The following NCAM2 variants were observed in gnomAD, a reference collection of about 807,000 sequenced individuals.
The protein encoded by NCAM2 is N-CAM-2.
In NCAM2, 30 loss-of-function variants were observed where a neutral mutation model predicts 98.1. The observed-to-expected ratio is 0.31, with a 90% confidence interval of 0.23 to 0.41. The LOEUF is 0.41. Among genes scored for constraint, NCAM2 ranks in the 10% least tolerant of loss-of-function variants. NCAM2 has a pLI of 1.00. For missense variants in NCAM2, 867 were observed against 1,005.8 expected, an observed-to-expected ratio of 0.86 and a Z score of 1.87; for synonymous variants, 368 against 342.4, an observed-to-expected ratio of 1.07 and a Z score of -0.83.
At chr21:21,155,754 G>A (rs2067591381) in intron 1 of NCAM2, among the ~76,000 whole-genome samples, 1 of 151,886 alleles carries the variant, frequency 6.6e-6, no homozygotes, top group African/African-American at 2.4e-5. Flanking sequence ...GCACAATTTA[G>A]TTTGACTGTA....
intron 1 of NCAM2, among the ~76,000 whole-genome samples, chr21:21,034,919 T>A (rs184187647): frequency 2.0e-4 from 30 of 152,266 alleles, no homozygotes; most frequent in Non-Finnish European, 3.7e-4. Context: ...GAACTTTTCA[T>A]AAGAAATCTC....
intron 1 of NCAM2, among the ~76,000 whole-genome samples, chr21:21,170,670 A>T (rs1055057057): frequency 6.6e-6 from 1 of 152,188 alleles, no homozygotes. Flanking sequence ...TCTGTTTGAT[A>T]CTTAAGTGGT....
chr21:21,036,102 A>T (rs558974948), intron 1 of NCAM2, among the ~76,000 whole-genome samples: 2 of 152,300 alleles, frequency 1.3e-5, no homozygotes, highest in East Asian at 3.9e-4. Flanking sequence ...AGTTTGTAGT[A>T]AAAAGATTGA....
chr21:21,242,796 A>G (rs900376755), intron 1 of NCAM2, among the ~76,000 whole-genome samples: 3 of 152,304 alleles, frequency 2.0e-5, no homozygotes, highest in Admixed American at 1.3e-4. Flanking sequence ...ATGAATGAAT[A>G]CCTTTTTGGC....
chr21:21,208,524 C>A (rs370247482), intron 1 of NCAM2, among the ~76,000 whole-genome samples: 61 of 152,180 alleles, frequency 4.0e-4, no homozygotes, highest in African/African-American at 1.4e-3. Context: ...GGGTAAAAGA[C>A]AGCATCTTTT....
chr21:21,284,142 A>G lies in NCAM2; in HGVS notation c.131-52A>G, dbSNP rs925179194. On this transcript the variant is annotated intron_variant, in intron 2 of 17. Coordinates refer to ENST00000400546, the MANE Select transcript of NCAM2 (RefSeq NM_004540.5). The stretch of plus-strand genomic sequence containing the variant: ...ACATAATAGTAAATGCCAATGTTCA[A>G]ACAAATATTTTTAACAATTTTCAAA... The G allele has an allele frequency of 3.5e-6, 5 of 1,440,118 alleles. No individual in the cohort carries two copies. The African/African-American group carries it at 5.7e-5, about 16-fold the overall frequency. 89.2% of individuals were successfully genotyped at this position (1,440,118 alleles called of 1,614,324 possible). A position where few individuals can be genotyped will look rare whatever the true frequency, so the allele number is the denominator to read the frequency against.
intron 15 of NCAM2, among the ~76,000 whole-genome samples, chr21:21,486,838 T>G (rs1986433734): frequency 6.6e-6 from 1 of 152,160 alleles, no homozygotes; most frequent in South Asian, 2.1e-4. Flanking sequence ...GAAAAGAACC[T>G]AATATTAAAA....
intron 15 of NCAM2, among the ~76,000 whole-genome samples, chr21:21,491,717 A>C (rs1207936241): frequency 1.3e-5 from 2 of 151,608 alleles, no homozygotes; most frequent in African/African-American, 2.4e-5. Flanking sequence ...GAGCATATTT[A>C]ATTTCTCTTA....
intron 8 of NCAM2, among the ~76,000 whole-genome samples, chr21:21,344,152 C>T (rs1281773714): frequency 6.6e-6 from 1 of 152,154 alleles, no homozygotes; most frequent in African/African-American, 2.4e-5. Flanking sequence ...CAGATGAGAA[C>T]ACACTGGCTT....
At chr21:21,505,287 G>C (rs1250496655) in intron 15 of NCAM2, among the ~76,000 whole-genome samples, 2 of 151,980 alleles carry the variant, frequency 1.3e-5, no homozygotes, top group Non-Finnish European at 2.9e-5. Context: ...GGAAAAGAGA[G>C]TTCTCTCTGA....
intron 1 of NCAM2, among the ~76,000 whole-genome samples, chr21:21,174,368 G>A (rs557010855): frequency 1.3e-5 from 2 of 152,276 alleles, no homozygotes; most frequent in African/African-American, 4.8e-5. Flanking sequence ...TCTTTGAACA[G>A]TATAAGTGTC....
At chr21:21,126,107 T>C (rs552426106) in intron 1 of NCAM2, among the ~76,000 whole-genome samples, 34 of 151,966 alleles carry the variant, frequency 2.2e-4, no homozygotes, top group Admixed American at 6.6e-4. Context: ...ATTAGTCTTA[T>C]TTCTCAAGTT....
At chr21:21,141,319 AATG>A (rs1485114930) in intron 1 of NCAM2, among the ~76,000 whole-genome samples, 1 of 152,140 alleles carries the variant, frequency 6.6e-6, no homozygotes, top group African/African-American at 2.4e-5. Flanking sequence ...TGTCTCCTTT[AATG>A]ATGTTAGCAG....
At chr21:21,279,188 C>G (rs1455308739) in intron 1 of NCAM2, among the ~76,000 whole-genome samples, 2 of 152,156 alleles carry the variant, frequency 1.3e-5, no homozygotes, top group Admixed American at 6.6e-5. Context: ...ATTAAAATCC[C>G]AAACATGGGA....
intron 1 of NCAM2, among the ~76,000 whole-genome samples, chr21:21,196,290 G>A (rs1464422246): frequency 6.6e-6 from 1 of 152,266 alleles, no homozygotes; most frequent in East Asian, 1.9e-4. Flanking sequence ...CACATCCAAT[G>A]ACTGATTGAG....
intron 1 of NCAM2, among the ~76,000 whole-genome samples, chr21:21,043,860 AAAAAAAAG>A (rs1429557064): frequency 6.6e-6 from 1 of 151,304 alleles, no homozygotes; most frequent in Non-Finnish European, 1.5e-5. Flanking sequence ...CAAAAAAAAA[AAAAAAAAG>A]AAAAAAGAAA....
intron 14 of NCAM2, among the ~76,000 whole-genome samples, chr21:21,476,107 A>T (rs936687967): frequency 6.6e-6 from 1 of 152,132 alleles, no homozygotes; most frequent in East Asian, 1.9e-4. Context: ...ATACTCAAAG[A>T]AGCAGTGTTA....
At chr21:21,479,583 CAA>C (rs1156588500) in intron 15 of NCAM2, among the ~76,000 whole-genome samples, 48 of 30,930 alleles carry the variant, frequency 1.6e-3, no homozygotes, top group South Asian at 2.6e-3. Context: ...GACTGCGTCT[CAA>C]AAAAAAAAAA....
rs986915246 is a variant in NCAM2, at chr21:21,077,043, G to A, written c.55+78425G>A. 3.3e-5 allele frequency among the ~76,000 whole-genome samples: 5 copies of A among 152,140 alleles called. 1 individual carries two copies. The highest frequency in any genetic ancestry group is 1.2e-4 in the African/African-American group (5 of 41,430). ...GGAGTGGAGAGGTCAGAAAAGTGAG[G>A]TTTTGAATCATTTTCTACCACACAT... On this transcript the variant is annotated intron_variant, in intron 1 of 17. Coordinates refer to ENST00000400546, the MANE Select transcript of NCAM2 (RefSeq NM_004540.5).
Sources: gnomAD v4.1 joint callset for allele counts (sites outside exome capture counted in the v4.1 genomes callset) on GRCh38, gnomAD v4.1.1 for gene constraint, MANE v1.5 for transcripts, NCBI Gene and HGNC (gene_info 2026-07-23, HGNC 2026-07-21) for gene names.